Variants in RPAP2 observed in about 807,000 individuals in gnomAD.
RPAP2 encodes RNA polymerase II associated protein 2.
Under a neutral mutation model 73.1 loss-of-function variants are expected in RPAP2, and 52 were observed. The observed-to-expected ratio is 0.71, with a 90% CI of 0.57 to 0.90. The LOEUF (loss-of-function observed/expected upper bound fraction) is 0.90. RPAP2 is among the 40% of genes least tolerant of loss of function. The pLI, the probability that RPAP2 is intolerant of heterozygous loss-of-function variation, is 0.00. For missense variants in RPAP2, 598 were observed against 701.8 expected, an observed-to-expected ratio of 0.85 and a Z score of 1.67; for synonymous variants, 225 against 242.1, an observed-to-expected ratio of 0.93 and a Z score of 0.65.
At chr1:92,336,177 G>C (rs576746488) in intron 9 of RPAP2, among the ~76,000 whole-genome samples, 170 bp from the exon 10 acceptor site, 1 of 152,258 alleles carries the variant, frequency 6.6e-6, no homozygotes, top group South Asian at 2.1e-4. Context: ...GGGTTACTAT[G>C]AATGTTTCCT....
At chr1:92,383,541 G>C (rs947301468) in intron 12 of RPAP2, among the ~76,000 whole-genome samples, 6 of 151,834 alleles carry the variant, frequency 4.0e-5, no homozygotes, top group African/African-American at 1.2e-4. Flanking sequence ...ATTGTGAATG[G>C]GAGTTCACTC....
At chr1:92,316,301 T>C (rs905335125) in intron 6 of RPAP2, among the ~76,000 whole-genome samples, 1 of 152,142 alleles carries the variant, frequency 6.6e-6, no homozygotes, top group Non-Finnish European at 1.5e-5. Flanking sequence ...AACTATAACC[T>C]CTTCCTGAAC....
At chr1:92,302,330 GAA>G (rs777891331) in intron 3 of RPAP2, among the ~76,000 whole-genome samples, 13 of 132,180 alleles carry the variant, frequency 9.8e-5, no homozygotes, top group South Asian at 2.4e-4. Context: ...GGATGGGGGA[GAA>G]AAAAAAAAAA....
chr1:92,351,546 C>T (rs1265320557), intron 11 of RPAP2, among the ~76,000 whole-genome samples: 1 of 152,122 alleles, frequency 6.6e-6, no homozygotes, highest in African/African-American at 2.4e-5. Flanking sequence ...ACACATCGCT[C>T]AGCTTCTGTC....
chr1:92,300,813 A>G lies in RPAP2; in HGVS notation c.119+574A>G, dbSNP rs556348649. ...TTTCAAAAATTATTTATTGAGTATA[A>G]GATATGTCGGACCTGTGTTAGGCTC... On this transcript the variant is annotated intron_variant, in intron 2 of 12. Transcript: ENST00000610020. Among the ~76,000 whole-genome samples the G allele has an allele frequency of 2.0e-5, 3 of 152,364 alleles. No homozygotes were observed. The South Asian group carries it at 6.2e-4, about 32-fold the overall frequency.
intron 11 of RPAP2, among the ~76,000 whole-genome samples, chr1:92,366,387 AAAC>A (rs1230570360): frequency 6.6e-6 from 1 of 152,176 alleles, no homozygotes; most frequent in Admixed American, 6.5e-5. Flanking sequence ...ATTTACTGAA[AAAC>A]AACATCAATA....
In RPAP2 at chr1:92,363,170, G is replaced by A. The variant is rs570050988; in HGVS notation, c.1688+17256G>A. ...AGATAAGGAAGTGGAGTCAGTAAAC[G>A]TTGGCTTCTCTTTTGAGGAACCTGA... On this transcript the variant is annotated intron_variant, in intron 11 of 12. Transcript: ENST00000610020. 8.5e-5 allele frequency among the ~76,000 whole-genome samples: 13 copies of A among 152,284 alleles called. No homozygotes were observed. In the South Asian group the frequency reaches 1.2e-3, roughly 15 times the overall value.
chr1:92,299,561 G>A (rs1300121952), intron 1 of RPAP2, among the ~76,000 whole-genome samples: 4 of 152,178 alleles, frequency 2.6e-5, no homozygotes, highest in Admixed American at 6.5e-5. Context: ...CCCCCAGAGA[G>A]GACGTTTGGC....
At chr1:92,304,137 G>T in intron 4 of RPAP2, 62 bp downstream of exon 4, 5 of 1,333,182 alleles carry the variant, frequency 3.8e-6, no homozygotes, top group Non-Finnish European at 5.3e-6. Flanking sequence ...AAAATACTTT[G>T]TTGTAAGAAT....
intron 6 of RPAP2, among the ~76,000 whole-genome samples, chr1:92,318,916 GA>G (rs1470887003): frequency 6.6e-6 from 1 of 152,158 alleles, no homozygotes; most frequent in Non-Finnish European, 1.5e-5. Flanking sequence ...TATGGAAGTT[GA>G]AAATGATGAG....
rs552182654 is a variant in RPAP2, at chr1:92,381,876, T to C, written c.1838+1003T>C. The stretch of plus-strand genomic sequence containing the variant: ...TGTTGGTGTGCTGCACCCATTAATT[T>C]GTCATTTAACATTAGGTATATCTCC... On this transcript the variant is annotated intron_variant, in intron 12 of 12. Transcript: ENST00000610020. 2.5e-3 allele frequency among the ~76,000 whole-genome samples: 380 copies of C among 151,982 alleles called. 3 individuals are homozygous for C. The highest frequency in any genetic ancestry group is 9.3e-3 in the South Asian group (45 of 4,816).
rs1286838087 is a variant in RPAP2 at position 92,399,944 on chromosome 1, G to GA, written c.*12938dup. Reference sequence around the variant, plus strand: ...TTCGTACAAAGAGTCTTGCTACTAGGAAAAAGAGTTTGAAAATCACTAGTC... The same window carrying GA: ...TTCGTACAAAGAGTCTTGCTACTAGGAAAAAAGAGTTTGAAAATCACTAGTC... On this transcript the variant is annotated 3_prime_UTR_variant, in exon 13 of 13. Transcript: ENST00000610020. 1.3e-5 allele frequency: 2 copies of GA among 152,156 alleles called. No homozygotes were observed. Among genetic ancestry groups the GA allele is most frequent in the East Asian group, 3.9e-4 (2 of 5,182 alleles). The allele number at this position is 152,156 out of a possible 1,614,324, so 9.4% of individuals were successfully genotyped here.
intron 11 of RPAP2, among the ~76,000 whole-genome samples, chr1:92,348,843 T>G (rs1571106256): frequency 6.6e-6 from 1 of 152,238 alleles, no homozygotes; most frequent in African/African-American, 2.4e-5. Flanking sequence ...CCTTACAGTT[T>G]TCACAATTAC....
chr1:92,387,162 T>G lies in RPAP2; in HGVS notation c.*151T>G. The G allele has an allele frequency of 1.5e-6, 1 of 665,398 alleles. No individual in the cohort carries two copies. 41.2% of individuals were successfully genotyped at this position (665,398 alleles called of 1,614,324 possible). ...GTTTCAATCTCCCATCTCCCAGTCC[T>G]TCAGTCCCCAACTGCAGAGGATGAC... On this transcript the variant is annotated 3_prime_UTR_variant, in exon 13 of 13. Coordinates refer to ENST00000610020, the MANE Select transcript of RPAP2 (RefSeq NM_024813.3).
chr1:92,383,722 T>C (rs1183223209), intron 12 of RPAP2, among the ~76,000 whole-genome samples: 4 of 151,284 alleles, frequency 2.6e-5, no homozygotes, highest in African/African-American at 7.4e-5. Flanking sequence ...CAGGGACAAT[T>C]TGACTTCCTC....
chr1:92,365,896 C>T (rs1654915169), intron 11 of RPAP2, among the ~76,000 whole-genome samples: 1 of 152,116 alleles, frequency 6.6e-6, no homozygotes, highest in Non-Finnish European at 1.5e-5. Context: ...CTTTTACTGA[C>T]TTACATGACC....
intron 6 of RPAP2, among the ~76,000 whole-genome samples, chr1:92,315,631 C>T (rs573945958): frequency 6.6e-6 from 1 of 152,244 alleles, no homozygotes; most frequent in Non-Finnish European, 1.5e-5. Context: ...AGAGTAATAT[C>T]TTTATATCAC....
Position 92,307,270 on chromosome 1 carries a change from AAG to A in RPAP2, c.487_488del (p.Arg163AlafsTer3). 1 of 1,603,526 alleles carries A rather than the reference AAG, an allele frequency of 6.2e-7. No homozygotes were observed. Among genetic ancestry groups the A allele is most frequent in the South Asian group, 1.1e-5 (1 of 89,718 alleles). The stretch of plus-strand genomic sequence containing the variant: ...AAAACTCCAGTATGGGTTCGAGAAG[AAG>A]AGAGGTAATTTAAGTCATTGTGTAT... On this transcript the variant is annotated frameshift_variant, in exon 6 of 13. Coordinates refer to ENST00000610020, the MANE Select transcript of RPAP2 (RefSeq NM_024813.3). LOFTEE classifies it high-confidence loss of function.
At chr1:92,380,456 G>A (rs1037601423) in intron 11 of RPAP2, among the ~76,000 whole-genome samples, 2 of 152,116 alleles carry the variant, frequency 1.3e-5, no homozygotes, top group Non-Finnish European at 1.5e-5. Context: ...TTTCTGAGCA[G>A]AATTTTAGTA....
Sources: gnomAD v4.1 joint callset for allele counts (sites outside exome capture counted in the v4.1 genomes callset) on GRCh38, gnomAD v4.1.1 for gene constraint, MANE v1.5 for transcripts, NCBI Gene and HGNC (gene_info 2026-07-23, HGNC 2026-07-21) for gene names.